Variants in NCOA3 observed in about 807,000 individuals in gnomAD.
NCOA3 encodes nuclear receptor coactivator 3.
NCOA3 carries 51 observed loss-of-function variants against 158.8 expected under a neutral mutation model. The observed-to-expected ratio is 0.32, with a 90% CI of 0.26 to 0.41. The LOEUF (loss-of-function observed/expected upper bound fraction) is 0.41. NCOA3 is among the 10% of genes least tolerant of loss of function. NCOA3 has a pLI of 1.00. For synonymous variants in NCOA3, 537 were observed against 592.4 expected (o/e 0.91, Z 1.36); for missense variants, 1,510 against 1,746.6 (o/e 0.86, Z 2.41).
chr20:47,523,008 G>A (rs1272156601), intron 1 of NCOA3, among the ~76,000 whole-genome samples: 1 of 152,000 alleles, frequency 6.6e-6, no homozygotes, highest in Non-Finnish European at 1.5e-5. Context: ...GGCTAACACA[G>A]TGAAACCCCG....
intron 17 of NCOA3, among the ~76,000 whole-genome samples, chr20:47,642,650 G>A (rs1331949557): frequency 2.0e-5 from 3 of 152,146 alleles, no homozygotes; most frequent in Non-Finnish European, 4.4e-5. Context: ...ATTTAGTTAA[G>A]CTACTGTACT....
chr20:47,592,745 G>A (rs1441438586), intron 2 of NCOA3, among the ~76,000 whole-genome samples: 2 of 152,232 alleles, frequency 1.3e-5, no homozygotes, highest in South Asian at 2.1e-4. Flanking sequence ...TCCTGGTAGC[G>A]GATGCTACTT....
At position 47,504,901 on chromosome 20, in the gene NCOA3, A is replaced by G. The variant is rs902269092; in HGVS notation, c.-99+2882A>G. 1.3e-3 allele frequency among the ~76,000 whole-genome samples: 203 copies of G among 151,892 alleles called. 4 individuals carry two copies. The highest frequency in any genetic ancestry group is 1.2e-3 in the East Asian group (6 of 5,192). ...GTAATTGAAAAGTCTTTAAAAGAAA[A>G]TTAAAAAATAAATTTTAGTTTGGAC... is the stretch of plus-strand genomic sequence containing the variant. On this transcript the variant is annotated intron_variant, in intron 1 of 22. Transcript: ENST00000371998.
At chr20:47,628,409 CTTTT>C (rs72374784) in intron 8 of NCOA3, 25 of 139,140 alleles carry the variant, frequency 1.8e-4, no homozygotes, top group South Asian at 4.4e-4. Context: ...GGAGTAATTC[CTTTT>C]TTTTTTTTTT....
At chr20:47,576,711 C>G (rs1191240061) in intron 1 of NCOA3, among the ~76,000 whole-genome samples, 1 of 152,186 alleles carries the variant, frequency 6.6e-6, no homozygotes, top group Non-Finnish European at 1.5e-5. Context: ...CCCGAGGGGT[C>G]AGCATGCAGC....
chr20:47,652,780 G>C, intron 21 of NCOA3, 151 bp from the exon 22 acceptor site: 4 of 1,045,496 alleles, frequency 3.8e-6, no homozygotes, highest in Non-Finnish European at 5.7e-6. Flanking sequence ...AGAAAGCTGT[G>C]AAAAATGGAT....
intron 1 of NCOA3, among the ~76,000 whole-genome samples, chr20:47,526,422 G>T (rs1459459764): frequency 2.0e-5 from 3 of 152,258 alleles, no homozygotes; most frequent in Non-Finnish European, 2.9e-5. Context: ...CTGGGAGGTG[G>T]AGGTTGTAGC....
chr20:47,504,241 G>A (rs1167482119), intron 1 of NCOA3, among the ~76,000 whole-genome samples: 1 of 152,118 alleles, frequency 6.6e-6, no homozygotes, highest in Non-Finnish European at 1.5e-5. Context: ...AAATGATTAT[G>A]CTGTGCATTT....
At chr20:47,564,085 G>A (rs548041862) in intron 1 of NCOA3, among the ~76,000 whole-genome samples, 9 of 151,608 alleles carry the variant, frequency 5.9e-5, no homozygotes, top group Admixed American at 4.6e-4. Flanking sequence ...GCTTGAGTCT[G>A]CCTGAGGGTG....
chr20:47,641,271 A>T (rs1182443136), intron 16 of NCOA3, among the ~76,000 whole-genome samples: 1 of 151,772 alleles, frequency 6.6e-6, no homozygotes, highest in Non-Finnish European at 1.5e-5. Context: ...GCCAAGTGTG[A>T]CAAAGTCATT....
chr20:47,578,529 A>T (rs1199827115), intron 1 of NCOA3, among the ~76,000 whole-genome samples: 1 of 152,192 alleles, frequency 6.6e-6, no homozygotes, highest in African/African-American at 2.4e-5. Context: ...TTCAACTTGC[A>T]TTTGGTCTTC....
chr20:47,596,030 T>A (rs1028235737), intron 2 of NCOA3, among the ~76,000 whole-genome samples: 1 of 152,212 alleles, frequency 6.6e-6, no homozygotes, highest in Admixed American at 6.5e-5. Context: ...GAGTATATAT[T>A]ATTTGAATTA....
intron 4 of NCOA3, among the ~76,000 whole-genome samples, 158 bp downstream of exon 4, chr20:47,624,241 A>G (rs1299116584): frequency 2.0e-5 from 3 of 152,128 alleles, no homozygotes; most frequent in Non-Finnish European, 2.9e-5. Flanking sequence ...TTTTATTTCT[A>G]TTATGGTTAC....
intron 17 of NCOA3, 97 bp from the exon 18 acceptor site, chr20:47,646,976 T>C: frequency 2.8e-6 from 3 of 1,071,920 alleles, no homozygotes; most frequent in Non-Finnish European, 4.1e-6. Context: ...TAAATACTTG[T>C]TGAATGACTG....
intron 1 of NCOA3, among the ~76,000 whole-genome samples, chr20:47,525,307 A>G (rs2084410878): frequency 6.6e-6 from 1 of 151,136 alleles, no homozygotes; most frequent in Admixed American, 6.6e-5. Flanking sequence ...GTACAGAACA[A>G]AATGAAAAGT....
intron 2 of NCOA3, among the ~76,000 whole-genome samples, chr20:47,611,749 G>A (rs981400637): frequency 2.0e-5 from 3 of 152,004 alleles, no homozygotes; most frequent in South Asian, 2.1e-4. Flanking sequence ...CCGAGATTGC[G>A]CCACTGCACT....
chr20:47,616,001 T>A lies in NCOA3; in HGVS notation c.-19-6228T>A, dbSNP rs189873187. 3.9e-3 allele frequency among the ~76,000 whole-genome samples: 592 copies of A among 151,404 alleles called. 3 individuals carry two copies. The highest frequency in any genetic ancestry group is 0.014 in the African/African-American group (567 of 41,288). On this transcript the variant is annotated intron_variant, in intron 2 of 22. Coordinates refer to ENST00000371998, the MANE Select transcript of NCOA3 (RefSeq NM_181659.3). ...GGTGAAACCCCATCTCTACTAAAAATAGAAAAACTAGGCCAGGGTGGTGGC... is the reference window on the plus strand; with the variant it reads ...GGTGAAACCCCATCTCTACTAAAAAAAGAAAAACTAGGCCAGGGTGGTGGC...
chr20:47,569,031 A>G (rs1436992700), intron 1 of NCOA3, among the ~76,000 whole-genome samples: 2 of 151,306 alleles, frequency 1.3e-5, no homozygotes, highest in African/African-American at 2.4e-5. Context: ...AGCTAACTAT[A>G]ACCTCTGCCT....
intron 1 of NCOA3, among the ~76,000 whole-genome samples, chr20:47,526,219 C>T (rs962688749): frequency 2.6e-5 from 4 of 151,134 alleles, no homozygotes; most frequent in Admixed American, 2.0e-4. Context: ...CGGGAAGAGG[C>T]GCTCCTCACT....
Sources: gnomAD v4.1 joint callset for allele counts (sites outside exome capture counted in the v4.1 genomes callset) on GRCh38, gnomAD v4.1.1 for gene constraint, MANE v1.5 for transcripts, NCBI Gene and HGNC (gene_info 2026-07-23, HGNC 2026-07-21) for gene names.